Variants in MLLT1 observed in about 807,000 individuals in gnomAD.
The protein encoded by MLLT1 is MLLT1 super elongation complex subunit.
Under a neutral mutation model 55.1 loss-of-function variants are expected in MLLT1, and 11 were observed. The observed-to-expected ratio is 0.20, with a 90% CI of 0.13 to 0.33. The LOEUF is 0.33. Ranked by LOEUF, MLLT1 falls within the 10% of genes least tolerant of loss-of-function variation. The pLI, the probability that MLLT1 is intolerant of heterozygous loss-of-function variation, is 1.00. For synonymous variants in MLLT1, 323 were observed against 320.1 expected (o/e 1.01, Z -0.10); for missense variants, 536 against 760.6 (o/e 0.70, Z 3.47).
chr19:6,257,900 C>T lies in MLLT1; in HGVS notation c.276+4328G>A, dbSNP rs191931856. 9.9e-5 allele frequency among the ~76,000 whole-genome samples: 15 copies of T among 152,256 alleles called. No homozygotes were observed. In the South Asian group the frequency reaches 2.1e-3, roughly 21 times the overall value. ...GCATGTGAAAAGACGTGAAACATCA[C>T]GGGTCATCAAGGAAATGCAAATAAA... On this transcript the variant is annotated intron_variant, in intron 3 of 11. Coordinates refer to ENST00000252674, the MANE Select transcript of MLLT1 (RefSeq NM_005934.4).
At chr19:6,218,180 C>A in intron 6 of MLLT1, 139 bp from the exon 7 acceptor site, 1 of 1,304,980 alleles carries the variant, frequency 7.7e-7, no homozygotes, top group Admixed American at 2.9e-5. Flanking sequence ...AGGGTACCCA[C>A]GTGTGCCGCT....
At chr19:6,275,570 A>G (rs995656212) in intron 1 of MLLT1, among the ~76,000 whole-genome samples, 2 of 152,276 alleles carry the variant, frequency 1.3e-5, no homozygotes, top group South Asian at 4.1e-4. Flanking sequence ...AGTCCTCTGA[A>G]GCGGAGAGCT....
intron 3 of MLLT1, among the ~76,000 whole-genome samples, chr19:6,260,818 C>T (rs1031891031): frequency 1.3e-5 from 2 of 152,332 alleles, no homozygotes; most frequent in African/African-American, 4.8e-5. Flanking sequence ...TGCGCTCCAG[C>T]CTGGGCAAAA....
intron 6 of MLLT1, among the ~76,000 whole-genome samples, chr19:6,221,288 C>G (rs1179673226): frequency 6.6e-6 from 1 of 152,226 alleles, no homozygotes; most frequent in African/African-American, 2.4e-5. Context: ...GGCCCAGTGT[C>G]TGTTGTCTAA....
At chr19:6,242,832 C>T (rs2091128534) in intron 3 of MLLT1, among the ~76,000 whole-genome samples, 1 of 152,100 alleles carries the variant, frequency 6.6e-6, no homozygotes, top group African/African-American at 2.4e-5. Flanking sequence ...TGGGGGGCTG[C>T]GAGCCGACAC....
intron 2 of MLLT1, among the ~76,000 whole-genome samples, chr19:6,269,445 G>A (rs1390458495): frequency 6.6e-6 from 1 of 152,274 alleles, no homozygotes; most frequent in African/African-American, 2.4e-5. Context: ...GAGGCTTAGA[G>A]AGGGAGGAAG....
chr19:6,257,782 A>G (rs957708832), intron 3 of MLLT1, among the ~76,000 whole-genome samples: 1 of 152,174 alleles, frequency 6.6e-6, no homozygotes, highest in Non-Finnish European at 1.5e-5. Flanking sequence ...GCCTGGCCAA[A>G]AGAGTGAGAC....
At chr19:6,248,768 C>T (rs899368649) in intron 3 of MLLT1, among the ~76,000 whole-genome samples, 7 of 152,158 alleles carry the variant, frequency 4.6e-5, no homozygotes, top group Admixed American at 1.3e-4. Flanking sequence ...TAGTTTAGTT[C>T]ACGGCGATTG....
rs999010509 is a variant in MLLT1, at chr19:6,262,735, C to T, written c.194-425G>A. Among the ~76,000 whole-genome samples the T allele has an allele frequency of 3.3e-5, 5 of 152,108 alleles. No homozygotes were observed. The highest frequency in any genetic ancestry group is 2.1e-4 in the South Asian group (1 of 4,834). On this transcript the variant is annotated intron_variant, in intron 2 of 11. Transcript: ENST00000252674. The surrounding 1 kb of genome is among the most constrained non-coding windows in gnomAD (Gnocchi z 4.4). ...CACTCTACTGTCACCACCTCCAGCA[C>T]GGGGGCTGAGCACCTGCTGCACCAC...
intron 1 of MLLT1, among the ~76,000 whole-genome samples, chr19:6,276,088 T>C (rs1049878713): frequency 1.5e-4 from 23 of 152,168 alleles, no homozygotes; most frequent in African/African-American, 4.8e-4. Flanking sequence ...CAAAGCTGAG[T>C]GCAAAACCTC....
intron 8 of MLLT1, among the ~76,000 whole-genome samples, chr19:6,215,738 G>A (rs765265902): frequency 7.2e-5 from 11 of 152,308 alleles, no homozygotes; most frequent in East Asian, 1.9e-4. Flanking sequence ...GCTGACTGCC[G>A]GCTCTGCTAC....
At chr19:6,253,412 A>C (rs1467249339) in intron 3 of MLLT1, among the ~76,000 whole-genome samples, 2 of 152,098 alleles carry the variant, frequency 1.3e-5, no homozygotes, top group Non-Finnish European at 2.9e-5. Context: ...TTCAAAGAAC[A>C]AACACCACTC....
chr19:6,273,878 C>T lies in MLLT1; in HGVS notation c.13-3119G>A, dbSNP rs1217740140. ...TGACAGGGAGTTCCTACCCAGGGCA[C>T]GCAGGCGGCAGAGCAGTTATTGTGA... On this transcript the variant is annotated intron_variant, in intron 1 of 11. Transcript: ENST00000252674. This position sits in a 1 kb window ranked among gnomAD's most constrained non-coding sequence, Gnocchi z 4.3. Among the ~76,000 whole-genome samples, 1 of 152,198 alleles carries T rather than the reference C, an allele frequency of 6.6e-6. No individual in the cohort carries two copies. Among genetic ancestry groups the T allele is most frequent in the African/African-American group, 2.4e-5 (1 of 41,434 alleles).
rs1334407729 is a variant in MLLT1, at chr19:6,230,555, G to A, written c.420+15C>T. 6 of 1,611,772 alleles carry A rather than the reference G, an allele frequency of 3.7e-6. No individual in the cohort carries two copies. Among genetic ancestry groups the A allele is most frequent in the Non-Finnish European group, 4.2e-6 (5 of 1,179,602 alleles). ...TGGAGCGGCCCCTTGGCGGGCAGGG[G>A]CGGGGCACACTCACCCCGCCGGCCC... On this transcript the variant is annotated intron_variant, in intron 4 of 11. Coordinates refer to ENST00000252674, the MANE Select transcript of MLLT1 (RefSeq NM_005934.4). The surrounding 1 kb of genome is among the most constrained non-coding windows in gnomAD (Gnocchi z 9.0).
chr19:6,267,390 C>T (rs749400804), intron 2 of MLLT1, among the ~76,000 whole-genome samples: 61 of 118,072 alleles, frequency 5.2e-4, no homozygotes, highest in Admixed American at 1.9e-4. Context: ...CCACCGCACC[C>T]GGCCAAAAAA....
chr19:6,270,675 T>C lies in MLLT1; in HGVS notation c.97A>G (p.Met33Val). Residue 33 changes from methionine to valine, a missense_variant, in exon 2 of 12, where the codon ATG becomes GTG. Physicochemically the swap from Met to Val is conservative, Grantham distance 21. Around this residue, in one of 3 missense-constraint regions of MLLT1, gnomAD observed 62 missense variants for 195.8 expected, o/e 0.32. Coordinates refer to ENST00000252674, the MANE Select transcript of MLLT1 (RefSeq NM_005934.4). This position sits in a 1 kb window ranked among gnomAD's most constrained non-coding sequence, Gnocchi z 7.1. The part of the protein sequence containing the change: ...PTTEGFTHDW[M>V]VFVRGPEQCD... The stretch of plus-strand genomic sequence containing the variant: ...TGCTCGGGGCCGCGGACAAACACCA[T>C]CCAGTCGTGAGTGAACCCCTCCGTG... 1 of 1,614,000 alleles carries C rather than the reference T, an allele frequency of 6.2e-7. No individual in the cohort carries two copies. The highest frequency in any genetic ancestry group is 8.5e-7 in the Non-Finnish European group (1 of 1,179,970).
In MLLT1 at chr19:6,226,439, G is replaced by A. The variant is rs1425757577; in HGVS notation, c.546+538C>T. 3.3e-5 allele frequency among the ~76,000 whole-genome samples: 5 copies of A among 152,028 alleles called. No homozygotes were observed. The highest frequency in any genetic ancestry group is 7.2e-5 in the African/African-American group (3 of 41,404). On this transcript the variant is annotated intron_variant, in intron 5 of 11. Coordinates refer to ENST00000252674, the MANE Select transcript of MLLT1 (RefSeq NM_005934.4). This position sits in a 1 kb window ranked among gnomAD's most constrained non-coding sequence, Gnocchi z 6.3. ...TGCCACCCACCTGACCGACTGGGCC[G>A]AGATGAGACCGTAAAAAGTTTCTTC...
At chr19:6,228,692 C>T (rs555179285) in intron 4 of MLLT1, among the ~76,000 whole-genome samples, 33 of 152,280 alleles carry the variant, frequency 2.2e-4, no homozygotes, top group African/African-American at 7.2e-4. Context: ...TGCTGCTAGA[C>T]GGCCACTGCC....
chr19:6,217,926 G>A (rs371283692), intron 7 of MLLT1, 28 bp downstream of exon 7: 67 of 1,579,980 alleles, frequency 4.2e-5, no homozygotes, highest in East Asian at 6.9e-5. Context: ...GGCCCCATCC[G>A]TGCCCCCCAG....
Sources: gnomAD v4.1 joint callset for allele counts (sites outside exome capture counted in the v4.1 genomes callset) on GRCh38, gnomAD v4.1.1 for gene constraint, gnomAD v4.1.1 regional missense constraint, Gnocchi (gnomAD v3.1) non-coding constraint, MANE v1.5 for transcripts, NCBI Gene and HGNC (gene_info 2026-07-23, HGNC 2026-07-21) for gene names.